Variants in UNC13C observed in about 807,000 individuals in gnomAD.
UNC13C encodes the protein unc-13 homolog C.
A neutral mutation model predicts 245.4 loss-of-function variants in UNC13C; 174 were observed. The observed-to-expected ratio is 0.71, with a 90% CI of 0.63 to 0.80. The LOEUF (loss-of-function observed/expected upper bound fraction) is 0.80. Among genes scored for constraint, UNC13C ranks in the 30% least tolerant of loss-of-function variants. The pLI is 0.00. For missense variants in UNC13C, 2,829 were observed against 2,602.9 expected (o/e 1.09, Z -1.89); for synonymous variants, 992 against 895.1 (o/e 1.11, Z -1.93).
the UNC13C span, among the ~76,000 whole-genome samples, chr15:53,922,352 C>T: frequency 6.6e-6 from 1 of 152,142 alleles, no homozygotes; most frequent in Non-Finnish European, 1.5e-5. Context: ...TTTTTGAAAT[C>T]CAACACATAT....
At chr15:54,355,742 T>A (rs1000680887) in intron 17 of UNC13C, among the ~76,000 whole-genome samples, 2 of 152,128 alleles carry the variant, frequency 1.3e-5, no homozygotes, top group South Asian at 2.1e-4. Context: ...GATTTTTTTT[T>A]AAAGTATAAA....
chr15:54,473,223 A>T (rs28768446), intron 19 of UNC13C, among the ~76,000 whole-genome samples: 15,775 of 82,030 alleles, frequency 0.19, 1,188 homozygotes, highest in East Asian at 0.32. Flanking sequence ...ATTTTATTTT[A>T]TTTTATTGAT....
rs190944164 is a variant in UNC13C at position 54,530,498 on chromosome 15, G to A, written c.5547-2419G>A. Among the ~76,000 whole-genome samples the A allele has an allele frequency of 8.6e-4, 131 of 152,280 alleles. 1 individual carries two copies. Among genetic ancestry groups the A allele is most frequent in the Non-Finnish European group, 1.8e-4 (12 of 68,030 alleles). ...CTGCTCTCATGGGGCTTACATTATAGGGAGGGAAACAGGCAATAAGCAAAT... is the reference window on the plus strand; with the variant it reads ...CTGCTCTCATGGGGCTTACATTATAAGGAGGGAAACAGGCAATAAGCAAAT... On this transcript the variant is annotated intron_variant, in intron 25 of 32. Coordinates refer to ENST00000260323, the MANE Select transcript of UNC13C (RefSeq NM_001080534.3).
intron 4 of UNC13C, among the ~76,000 whole-genome samples, chr15:54,157,861 A>G (rs1010580766): frequency 6.6e-6 from 1 of 152,218 alleles, no homozygotes; most frequent in Non-Finnish European, 1.5e-5. Flanking sequence ...AGGATTCCCT[A>G]TTTAATAAAT....
chr15:54,378,857 C>G (rs1168914361), intron 17 of UNC13C, among the ~76,000 whole-genome samples: 1 of 151,926 alleles, frequency 6.6e-6, no homozygotes, highest in African/African-American at 2.4e-5. Context: ...TATGTACAGT[C>G]TATTCAAATT....
chr15:54,201,200 AC>A (rs1270547796), intron 4 of UNC13C, among the ~76,000 whole-genome samples: 1 of 152,058 alleles, frequency 6.6e-6, no homozygotes, highest in Non-Finnish European at 1.5e-5. Flanking sequence ...AAATGTCCAG[AC>A]CAGAGAAATT....
At chr15:54,127,721 A>G (rs1280909892) in intron 2 of UNC13C, among the ~76,000 whole-genome samples, 2 of 140,710 alleles carry the variant, frequency 1.4e-5, no homozygotes, top group Non-Finnish European at 3.0e-5. Flanking sequence ...GTATATATAT[A>G]TATAAAATAT....
intron 2 of UNC13C, among the ~76,000 whole-genome samples, chr15:54,055,456 T>C (rs1897468214): frequency 6.6e-6 from 1 of 152,214 alleles, no homozygotes; most frequent in African/African-American, 2.4e-5. Context: ...TCTTTTTATA[T>C]GCACTGCTAC....
At chr15:54,292,081 C>T (rs1018220807) in intron 10 of UNC13C, among the ~76,000 whole-genome samples, 11 of 151,884 alleles carry the variant, frequency 7.2e-5, no homozygotes, top group African/African-American at 2.7e-4. Flanking sequence ...GTAGTTTCGA[C>T]ACAGGTGATG....
At chr15:54,619,113 A>G (rs1253117839) in intron 30 of UNC13C, among the ~76,000 whole-genome samples, 1 of 152,178 alleles carries the variant, frequency 6.6e-6, no homozygotes, top group East Asian at 1.9e-4. Context: ...ACTTAGGACT[A>G]CGACAATCCA....
At chr15:54,142,075 T>C (rs1041250827) in intron 2 of UNC13C, among the ~76,000 whole-genome samples, 10 of 152,216 alleles carry the variant, frequency 6.6e-5, no homozygotes, top group Non-Finnish European at 1.2e-4. Context: ...GTTTCTCCAG[T>C]TTTATGCTAA....
At chr15:54,121,118 A>G (rs1373778382) in intron 2 of UNC13C, among the ~76,000 whole-genome samples, 2 of 152,170 alleles carry the variant, frequency 1.3e-5, no homozygotes, top group Non-Finnish European at 2.9e-5. Context: ...GTGAAATGCT[A>G]TCAAACAGTG....
At chr15:54,340,205 T>C (rs958227476) in intron 17 of UNC13C, among the ~76,000 whole-genome samples, 2 of 152,232 alleles carry the variant, frequency 1.3e-5, no homozygotes, top group Admixed American at 1.3e-4. Context: ...GATGTATAGA[T>C]TGTGAAGATT....
At chr15:54,218,895 C>T (rs1047966656) in intron 4 of UNC13C, among the ~76,000 whole-genome samples, 15 of 151,668 alleles carry the variant, frequency 9.9e-5, no homozygotes, top group African/African-American at 1.7e-4. Flanking sequence ...CTTAATGGGA[C>T]GTAAAGGACC....
chr15:54,552,518 ATT>A (rs1896815904), intron 28 of UNC13C, among the ~76,000 whole-genome samples: 1 of 37,114 alleles, frequency 2.7e-5, no homozygotes, highest in Non-Finnish European at 4.3e-5. Flanking sequence ...TATATTATAT[ATT>A]ATATATAATA....
At chr15:54,108,621 A>G (rs376398054) in intron 2 of UNC13C, among the ~76,000 whole-genome samples, 1 of 152,180 alleles carries the variant, frequency 6.6e-6, no homozygotes, top group Non-Finnish European at 1.5e-5. Context: ...CTTAACTTTT[A>G]TTTTTCCCAT....
At chr15:54,128,241 C>G (rs1197304179) in intron 2 of UNC13C, among the ~76,000 whole-genome samples, 1 of 152,110 alleles carries the variant, frequency 6.6e-6, no homozygotes, top group Non-Finnish European at 1.5e-5. Context: ...AACTACAAAA[C>G]CTTGCTGAAT....
At chr15:54,244,516 T>C (rs1455630275) in intron 7 of UNC13C, among the ~76,000 whole-genome samples, 1 of 152,224 alleles carries the variant, frequency 6.6e-6, no homozygotes. Flanking sequence ...AAAATATTCA[T>C]GGTAGTTTAA....
intron 30 of UNC13C, among the ~76,000 whole-genome samples, chr15:54,568,448 G>A (rs1338187403): frequency 6.6e-6 from 1 of 152,082 alleles, no homozygotes; most frequent in Non-Finnish European, 1.5e-5. Context: ...AACAGGCCAA[G>A]AGGCAGGCTT....
Sources: gnomAD v4.1 joint callset for allele counts (sites outside exome capture counted in the v4.1 genomes callset) on GRCh38, gnomAD v4.1.1 for gene constraint, MANE v1.5 for transcripts, NCBI Gene and HGNC (gene_info 2026-07-23, HGNC 2026-07-21) for gene names.